KBTBD11: variants seen among roughly 807,000 people sequenced by gnomAD.
KBTBD11 encodes kelch repeat and BTB domain containing 11, also known as kelch repeat and BTB domain-containing protein 11.
For missense variants in KBTBD11, 1,390 were observed against 1,001.8 expected (o/e 1.39, Z -5.23); for synonymous variants, 747 against 499.0 (o/e 1.50, Z -6.63).
Position 2,003,105 on chromosome 8 carries a change from C to G in KBTBD11, c.*41C>G, listed in dbSNP as rs574753322. On this transcript the variant is annotated 3_prime_UTR_variant, in exon 2 of 2. Transcript: ENST00000320248. ...GGGCGTCTCCCTCGGCAGGGGTTTG[C>G]GGGGCCCAGGTCCCTTTGGGCCCGC... is the stretch of plus-strand genomic sequence containing the variant. The G allele has an allele frequency of 9.2e-5, 116 of 1,257,380 alleles. No individual in the cohort carries two copies. In the African/African-American group the frequency reaches 1.6e-3, roughly 17 times the overall value. The allele number at this position is 1,257,380 out of a possible 1,614,324, so 77.9% of individuals were successfully genotyped here.
intron 1 of KBTBD11, among the ~76,000 whole-genome samples, chr8:1,998,326 G>C (rs1410937475): frequency 6.6e-6 from 1 of 152,182 alleles, no homozygotes; most frequent in Non-Finnish European, 1.5e-5. Context: ...CTGCTTTCTG[G>C]TGTGTCTGTT....
Position 1,980,697 on chromosome 8 carries a change from C to T in KBTBD11, c.-909+6762C>T, listed in dbSNP as rs534947971. 3.9e-5 allele frequency among the ~76,000 whole-genome samples: 6 copies of T among 152,320 alleles called. No homozygotes were observed. In the South Asian group the frequency reaches 1.0e-3, roughly 26 times the overall value. ...GTGCTTGTCCCTGCCCTGGAGCCTC[C>T]GCCAGCTGGAGGTGGCACCACGCAG... On this transcript the variant is annotated intron_variant, in intron 1 of 1. Coordinates refer to ENST00000320248, the MANE Select transcript of KBTBD11 (RefSeq NM_014867.3).
At chr8:1,996,374 C>G (rs899418032) in intron 1 of KBTBD11, among the ~76,000 whole-genome samples, 7 of 152,062 alleles carry the variant, frequency 4.6e-5, no homozygotes, top group Non-Finnish European at 4.4e-5. Context: ...TCAGGTGATT[C>G]TCCTGCCTCA....
chr8:1,993,346 TGTCCATCCATCGGTCCATCC>T (rs1816987795), intron 1 of KBTBD11, among the ~76,000 whole-genome samples: 1 of 151,282 alleles, frequency 6.6e-6, no homozygotes, highest in Non-Finnish European at 1.5e-5. Context: ...CCCATCTTTC[TGTCCATCCATCGGTCCATCC>T]GTCCGTCCGT....
Position 2,001,999 on chromosome 8 carries a change from G to C in KBTBD11, c.807G>C (p.Glu269Asp), listed in dbSNP as rs1186040396. 7.1e-7 allele frequency: 1 copy of C among 1,413,128 alleles called. No individual in the cohort carries two copies. The highest frequency in any genetic ancestry group is 2.3e-5 in the Admixed American group (1 of 43,782). The allele number at this position is 1,413,128 out of a possible 1,614,324, so 87.5% of individuals were successfully genotyped here. ...ACCACTATCTGGAGGTGCTGCGCGA[G>C]CCCGCCGTGTTCGGCCGCCTGTCGG... Reference protein sequence around the residue: ...MSDHYLEVLREPAVFGRLSGA... With the variant: ...MSDHYLEVLRDPAVFGRLSGA... The change falls in exon 2 of 2, where the codon GAG becomes GAC. Residue 269 changes from glutamate (E) to aspartate (D), a missense_variant. By Grantham distance (45) the Glu-to-Asp change is conservative. Transcript: ENST00000320248.
chr8:1,984,415 A>G (rs1487096426), intron 1 of KBTBD11, among the ~76,000 whole-genome samples: 2 of 149,652 alleles, frequency 1.3e-5, no homozygotes, highest in Non-Finnish European at 3.0e-5. Context: ...CAGCCTCCCA[A>G]GTAGCTGGGA....
In KBTBD11 at chr8:2,002,760, G is replaced by T. The variant is rs770913924; in HGVS notation, c.1568G>T (p.Ser523Ile). Residue 523 changes from serine (S) to isoleucine (I), a missense_variant, in exon 2 of 2, where the codon AGC (serine) becomes ATC (isoleucine). Coordinates refer to ENST00000320248, the MANE Select transcript of KBTBD11 (RefSeq NM_014867.3). This position sits in a 1 kb window ranked among gnomAD's most constrained non-coding sequence, Gnocchi z 4.1. ...EAQAAGPSGV[S>I]VSRYHCLAKQ... is the part of the protein sequence containing the mutation. Reference sequence around the variant, plus strand: ...CAGGCGGCGGGGCCGAGCGGGGTCAGCGTGTCCCGATACCACTGCCTGGCC... The same window carrying T: ...CAGGCGGCGGGGCCGAGCGGGGTCATCGTGTCCCGATACCACTGCCTGGCC... The T allele has an allele frequency of 1.3e-6, 2 of 1,487,116 alleles. No homozygotes were observed. The highest frequency in any genetic ancestry group is 4.5e-5 in the Admixed American group (2 of 44,932). 92.1% of individuals were successfully genotyped at this position (1,487,116 alleles called of 1,614,324 possible). A position where few individuals can be genotyped will look rare whatever the true frequency, so the allele number is the denominator to read the frequency against.
At chr8:1,988,277 T>C (rs1020900124) in intron 1 of KBTBD11, among the ~76,000 whole-genome samples, 1 of 152,222 alleles carries the variant, frequency 6.6e-6, no homozygotes, top group Non-Finnish European at 1.5e-5. Flanking sequence ...AAATGGTATT[T>C]CTACTTCTAG....
rs567729291 is a variant in KBTBD11, at chr8:2,002,048, C to A, written c.856C>A (p.Arg286Ser). 2.0e-5 allele frequency: 24 copies of A among 1,209,648 alleles called. No homozygotes were observed. The highest frequency in any genetic ancestry group is 2.4e-5 in the Non-Finnish European group (23 of 970,698). The allele number at this position is 1,209,648 out of a possible 1,614,324, so 74.9% of individuals were successfully genotyped here. A position where few individuals can be genotyped will look rare whatever the true frequency, so the allele number is the denominator to read the frequency against. ...GGGCGCAGAGCGGGACCTGCTGCTG[C>A]GCCGCCGCCTGCGCGCCGGCCGCGC... ...LSGAERDLLL[R>S]RRLRAGRAHL... The change falls in exon 2 of 2, where the codon CGC (arginine) becomes AGC (serine). Residue 286 changes from arginine to serine, a missense_variant. Arg to Ser is a moderately radical substitution (Grantham distance 110). Transcript: ENST00000320248. This position sits in a 1 kb window ranked among gnomAD's most constrained non-coding sequence, Gnocchi z 4.1.
intron 1 of KBTBD11, chr8:1,974,684 CGGGCGGTCT>C: frequency 1.0e-6 from 1 of 985,408 alleles, no homozygotes; most frequent in African/African-American, 1.7e-5. Flanking sequence ...GGGAGACCCC[CGGGCGGTCT>C]GGGCGGGATT....
chr8:1,985,094 G>T (rs1198040415), intron 1 of KBTBD11, among the ~76,000 whole-genome samples: 1 of 152,238 alleles, frequency 6.6e-6, no homozygotes. Context: ...AAGCCCTTCT[G>T]TAGGAACTCC....
intron 1 of KBTBD11, among the ~76,000 whole-genome samples, chr8:1,987,768 A>G (rs921590528): frequency 2.6e-5 from 4 of 151,506 alleles, no homozygotes; most frequent in Middle Eastern, 6.8e-3. Flanking sequence ...GTTCTAGGGT[A>G]CATGTGCACA....
Position 2,001,342 on chromosome 8 carries a change from G to C in KBTBD11, c.150G>C (p.Pro50=), listed in dbSNP as rs1817342274. Residue 50 remains proline, a synonymous_variant, in exon 2 of 2, where the codon CCG becomes CCC. Transcript: ENST00000320248. The part of the protein sequence containing the change: ...SLCFSSGEES[P]PQSLASAAEG... ...GCTTCAGCTCCGGGGAAGAGTCCCCGCCGCAGTCCCTCGCCTCAGCGGCGG... is the reference window on the plus strand; with the variant it reads ...GCTTCAGCTCCGGGGAAGAGTCCCCCCCGCAGTCCCTCGCCTCAGCGGCGG... 3 of 1,508,926 alleles carry C rather than the reference G, an allele frequency of 2.0e-6. No homozygotes were observed. Among genetic ancestry groups the C allele is most frequent in the South Asian group, 1.2e-5 (1 of 80,740 alleles). 93.5% of individuals were successfully genotyped at this position (1,508,926 alleles called of 1,614,324 possible). A position where few individuals can be genotyped will look rare whatever the true frequency, so the allele number is the denominator to read the frequency against.
chr8:2,002,414 C>T lies in KBTBD11; in HGVS notation c.1222C>T (p.Leu408=). ...CCAGGCGCGCTCGCAGCTGCGGCTG[C>T]TGGCCCTGGACGGTCACCTCTACGC... The part of the protein sequence containing the change: ...LRQARSQLRL[L]ALDGHLYAVG... Residue 408 remains leucine, a synonymous_variant, in exon 2 of 2, where the codon CTG becomes TTG. Transcript: ENST00000320248. This position sits in a 1 kb window ranked among gnomAD's most constrained non-coding sequence, Gnocchi z 4.1. The T allele has an allele frequency of 1.6e-5, 24 of 1,484,304 alleles. No homozygotes were observed. The highest frequency in any genetic ancestry group is 2.2e-5 in the Admixed American group (1 of 44,648). The allele number at this position is 1,484,304 out of a possible 1,614,324, so 91.9% of individuals were successfully genotyped here.
At position 2,001,957 on chromosome 8, in the gene KBTBD11, C is replaced by T. The variant is rs1817386113; in HGVS notation, c.765C>T (p.Ala255=). The T allele has an allele frequency of 2.0e-6, 3 of 1,475,000 alleles. No homozygotes were observed. Among genetic ancestry groups the T allele is most frequent in the African/African-American group, 2.9e-5 (2 of 67,998 alleles). 91.4% of individuals were successfully genotyped at this position (1,475,000 alleles called of 1,614,324 possible). The change falls in exon 2 of 2, where the codon GCC becomes GCT. Residue 255 remains alanine, a synonymous_variant. Transcript: ENST00000320248. The stretch of plus-strand genomic sequence containing the variant: ...GGCTGAACGAGCTGCGCGACGCCGC[C>T]TACTGCTTCATGAGCGACCACTATC... ...RQRLNELRDA[A]YCFMSDHYLE... is the part of the protein sequence containing the mutation.
chr8:1,988,564 C>T (rs1280697033), intron 1 of KBTBD11, among the ~76,000 whole-genome samples: 1 of 152,194 alleles, frequency 6.6e-6, no homozygotes, highest in Non-Finnish European at 1.5e-5. Flanking sequence ...CCTTTGCCCA[C>T]TTTTTGATGA....
chr8:1,978,059 A>T (rs939782338), intron 1 of KBTBD11, among the ~76,000 whole-genome samples: 4 of 152,152 alleles, frequency 2.6e-5, no homozygotes, highest in African/African-American at 9.6e-5. Context: ...TTACATAGGT[A>T]AACGTGTGCC....
At chr8:1,984,279 G>GTTTTTTT (rs71211539) in intron 1 of KBTBD11, among the ~76,000 whole-genome samples, 3 of 98,566 alleles carry the variant, frequency 3.0e-5, no homozygotes, top group African/African-American at 9.0e-5. Context: ...CTCTAAAAAA[G>GTTTTTTT]TTTTTTTTTT....
Position 2,002,651 on chromosome 8 carries a change from A to T in KBTBD11, c.1459A>T (p.Ser487Cys), listed in dbSNP as rs1585764847. The T allele has an allele frequency of 1.3e-6, 2 of 1,575,566 alleles. No individual in the cohort carries two copies. The highest frequency in any genetic ancestry group is 2.7e-5 in the African/African-American group (2 of 73,000). ...CGAGTGGCAGGAGTGCCCGTGCAGCAGCAGCCGCGAGCGCTCGGCCGACAT... is the reference window on the plus strand; with the variant it reads ...CGAGTGGCAGGAGTGCCCGTGCAGCTGCAGCCGCGAGCGCTCGGCCGACAT... Reference protein sequence around the residue: ...RDEWQECPCSSSRERSADMVA... With the variant: ...RDEWQECPCSCSRERSADMVA... Residue 487 changes from serine to cysteine, a missense_variant, in exon 2 of 2, where the codon AGC becomes TGC. By Grantham distance (112) the Ser-to-Cys change is moderately radical. Coordinates refer to ENST00000320248, the MANE Select transcript of KBTBD11 (RefSeq NM_014867.3). The surrounding 1 kb of genome is among the most constrained non-coding windows in gnomAD (Gnocchi z 4.1).
Sources: gnomAD v4.1 joint callset for allele counts (sites outside exome capture counted in the v4.1 genomes callset) on GRCh38, gnomAD v4.1.1 for gene constraint, Gnocchi (gnomAD v3.1) non-coding constraint, MANE v1.5 for transcripts, NCBI Gene and HGNC (gene_info 2026-07-23, HGNC 2026-07-21) for gene names.